Variants in CNTN5 observed in about 807,000 individuals in gnomAD.
CNTN5 encodes contactin-5.
Under a neutral mutation model 129.1 loss-of-function variants are expected in CNTN5, and 77 were observed. The observed-to-expected ratio is 0.60, with a 90% CI of 0.50 to 0.72. CNTN5 has a LOEUF of 0.72. Among genes scored for constraint, CNTN5 ranks in the 30% least tolerant of loss-of-function variants. The pLI, the probability that CNTN5 is intolerant of heterozygous loss-of-function variation, is 0.00. For synonymous variants in CNTN5, 509 were observed against 465.6 expected (o/e 1.09, Z -1.20); for missense variants, 1,478 against 1,328.8 (o/e 1.11, Z -1.75).
chr11:99,339,789 A>G (rs200456801), intron 2 of CNTN5, among the ~76,000 whole-genome samples: 1 of 72 alleles, frequency 0.014, no homozygotes, highest in African/African-American at 0.018. Flanking sequence ...CTCAAAAAAG[A>G]AAAAAAAAAA....
chr11:99,873,362 A>C (rs1302293068), intron 6 of CNTN5, among the ~76,000 whole-genome samples: 1 of 152,112 alleles, frequency 6.6e-6, no homozygotes, highest in African/African-American at 2.4e-5. Flanking sequence ...TAAGAACTCA[A>C]CAAGAAAAAA....
At chr11:99,950,148 A>G (rs911927664) in intron 7 of CNTN5, among the ~76,000 whole-genome samples, 8 of 152,228 alleles carry the variant, frequency 5.3e-5, no homozygotes, top group Non-Finnish European at 7.3e-5. Context: ...TATGACAAGT[A>G]TTCTCTTTTG....
intron 1 of CNTN5, among the ~76,000 whole-genome samples, chr11:99,092,147 C>T (rs1866278562): frequency 6.6e-6 from 1 of 152,074 alleles, no homozygotes; most frequent in Non-Finnish European, 1.5e-5. Flanking sequence ...TTAGTGCAGA[C>T]CTATCATAAT....
At chr11:99,155,509 T>C (rs1435051826) in intron 1 of CNTN5, among the ~76,000 whole-genome samples, 3 of 152,208 alleles carry the variant, frequency 2.0e-5, no homozygotes, top group Non-Finnish European at 4.4e-5. Flanking sequence ...GATTGGTCAT[T>C]GATCATGATG....
chr11:100,335,386 T>A (rs1450933469), intron 21 of CNTN5, among the ~76,000 whole-genome samples: 1 of 152,188 alleles, frequency 6.6e-6, no homozygotes, highest in Non-Finnish European at 1.5e-5. Context: ...CATAGAATCG[T>A]CACACCAGAA....
rs115135956 is a variant in CNTN5 at position 99,972,561 on chromosome 11, G to A, written c.877+15552G>A. Among the ~76,000 whole-genome samples, 364 of 151,904 alleles carry A rather than the reference G, an allele frequency of 2.4e-3. 1 individual carries two copies. Among genetic ancestry groups the A allele is most frequent in the African/African-American group, 8.4e-3 (349 of 41,534 alleles). ...CACTTCCATTTCCACTGAGTTGTCA[G>A]GTCTTCCCAGAACCACACCCAGCTA... On this transcript the variant is annotated intron_variant, in intron 8 of 24. Transcript: ENST00000524871.
intron 17 of CNTN5, among the ~76,000 whole-genome samples, chr11:100,263,306 G>C (rs1372163442): frequency 6.6e-6 from 1 of 152,094 alleles, no homozygotes; most frequent in East Asian, 1.9e-4. Context: ...TTTGCACGCA[G>C]TAACCTTAAA....
rs539126164 is a variant in CNTN5, at chr11:99,361,325, C to T, written c.-71+35841C>T. On this transcript the variant is annotated intron_variant, in intron 2 of 24. Transcript: ENST00000524871. ...AGTTTAACACATTTTGTTATAGCAA[C>T]CAAAATGGACTAAGATGCCCCTTAA... Among the ~76,000 whole-genome samples the T allele has an allele frequency of 2.6e-5, 4 of 152,174 alleles. No individual in the cohort carries two copies. The East Asian group carries it at 5.8e-4, about 22-fold the overall frequency.
rs545691937 is a variant in CNTN5, at chr11:100,308,417, T to G, written c.2679T>G (p.Leu893=). Residue 893 remains leucine (L), a synonymous_variant, in exon 21 of 25, where the codon CTT becomes CTG. Coordinates refer to ENST00000524871, the MANE Select transcript of CNTN5 (RefSeq NM_014361.4). ...KATSVSVSEI[L]VAWKHIKESL... ...CAAGTGTGTCTGTGTCAGAGATTCT[T>G]GTTGCATGGAAACACATTAAAGAGA... 1.2e-6 allele frequency: 2 copies of G among 1,611,154 alleles called. No homozygotes were observed. Among genetic ancestry groups the G allele is most frequent in the East Asian group, 4.5e-5 (2 of 44,794 alleles).
intron 2 of CNTN5, among the ~76,000 whole-genome samples, chr11:99,499,940 A>G (rs938314689): frequency 6.6e-6 from 1 of 152,150 alleles, no homozygotes; most frequent in East Asian, 1.9e-4. Context: ...TGGCAAGAGT[A>G]TTTATGACTA....
intron 2 of CNTN5, among the ~76,000 whole-genome samples, chr11:99,340,244 G>A (rs181604415): frequency 1.9e-4 from 29 of 152,144 alleles, no homozygotes; most frequent in African/African-American, 5.8e-4. Context: ...TGTGGGGTGC[G>A]TATTTGATAT....
intron 1 of CNTN5, among the ~76,000 whole-genome samples, chr11:99,127,811 A>T (rs1335675385): frequency 6.6e-6 from 1 of 152,126 alleles, no homozygotes; most frequent in African/African-American, 2.4e-5. Flanking sequence ...TATTTTGTCC[A>T]GTGGTATCCT....
At chr11:99,499,428 T>A (rs1201521260) in intron 2 of CNTN5, among the ~76,000 whole-genome samples, 1 of 152,164 alleles carries the variant, frequency 6.6e-6, no homozygotes, top group African/African-American at 2.4e-5. Flanking sequence ...CTGCCTACTG[T>A]CATGTGAAGA....
chr11:100,144,281 T>C (rs1264881506), intron 13 of CNTN5, among the ~76,000 whole-genome samples: 2 of 152,164 alleles, frequency 1.3e-5, no homozygotes, highest in Non-Finnish European at 2.9e-5. Flanking sequence ...AGATTTATTG[T>C]ATAGTGCTGG....
At chr11:100,093,503 G>A (rs1225790817) in intron 13 of CNTN5, among the ~76,000 whole-genome samples, 2 of 152,008 alleles carry the variant, frequency 1.3e-5, no homozygotes, top group African/African-American at 2.4e-5. Flanking sequence ...CTGGCCTCAA[G>A]TGGTTCTCCC....
intron 16 of CNTN5, among the ~76,000 whole-genome samples, chr11:100,252,180 T>C (rs984272961): frequency 2.6e-5 from 4 of 152,164 alleles, no homozygotes; most frequent in African/African-American, 9.6e-5. Context: ...ATGCTGACCA[T>C]TTCTTTCATA....
chr11:99,354,377 G>T lies in CNTN5; in HGVS notation c.-71+28893G>T, dbSNP rs181170693. Among the ~76,000 whole-genome samples the T allele has an allele frequency of 2.0e-4, 31 of 152,206 alleles. No homozygotes were observed. In the East Asian group the frequency reaches 6.0e-3, roughly 29 times the overall value. ...AGTTGGTCATCAATTAAGAGTTCCC[G>T]GGACCTTGTTTAGATCCAGATAAGC... is the stretch of plus-strand genomic sequence containing the variant. On this transcript the variant is annotated intron_variant, in intron 2 of 24. Transcript: ENST00000524871.
intron 23 of CNTN5, among the ~76,000 whole-genome samples, chr11:100,348,750 G>A (rs1952340252): frequency 6.6e-6 from 1 of 152,000 alleles, no homozygotes; most frequent in Admixed American, 6.6e-5. Context: ...GACAAAAGAA[G>A]CTGCTTAAGG....
chr11:99,932,124 A>G (rs1714267591), intron 7 of CNTN5, among the ~76,000 whole-genome samples: 1 of 151,318 alleles, frequency 6.6e-6, no homozygotes, highest in Non-Finnish European at 1.5e-5. Context: ...GCCTTTGATC[A>G]TGTCATTTCC....
Sources: gnomAD v4.1 joint callset for allele counts (sites outside exome capture counted in the v4.1 genomes callset) on GRCh38, gnomAD v4.1.1 for gene constraint, MANE v1.5 for transcripts, NCBI Gene and HGNC (gene_info 2026-07-23, HGNC 2026-07-21) for gene names.